ADCK5: variants seen among roughly 807,000 people sequenced by gnomAD.
ADCK5 encodes the protein aarF domain containing kinase 5.
In ADCK5, 43 loss-of-function variants were observed where a neutral mutation model predicts 64.9. That is an observed-to-expected ratio of 0.66 (90% CI 0.52 to 0.85). The LOEUF is 0.85. ADCK5 is among the 40% of genes least tolerant of loss of function. ADCK5 has a pLI of 0.00. For missense variants in ADCK5, 760 were observed against 810.5 expected (o/e 0.94, Z 0.76); for synonymous variants, 434 against 342.8 (o/e 1.27, Z -2.94).
intron 1 of ADCK5, among the ~76,000 whole-genome samples, chr8:144,374,912 T>C (rs1328794157): frequency 6.6e-6 from 1 of 152,214 alleles, no homozygotes; most frequent in African/African-American, 2.4e-5. Flanking sequence ...GCAGAGGCCT[T>C]GACACGCATC....
intron 3 of ADCK5, among the ~76,000 whole-genome samples, chr8:144,388,024 A>G (rs1272849714): frequency 6.6e-6 from 1 of 151,358 alleles, no homozygotes; most frequent in Non-Finnish European, 1.5e-5. Flanking sequence ...GAGCCACCAC[A>G]CCCGGCCTCC....
chr8:144,375,929 G>C (rs1428295702), intron 1 of ADCK5, among the ~76,000 whole-genome samples: 4 of 152,208 alleles, frequency 2.6e-5, no homozygotes, highest in African/African-American at 9.6e-5. Flanking sequence ...CAGTTTAGAG[G>C]TCGTGTTCTG....
chr8:144,374,177 TC>T, intron 1 of ADCK5, 70 bp downstream of exon 1: 2 of 1,230,590 alleles, frequency 1.6e-6, no homozygotes, highest in Non-Finnish European at 2.1e-6. Context: ...GACCCGCAAG[TC>T]CCCAGACCCC....
intron 3 of ADCK5, among the ~76,000 whole-genome samples, chr8:144,385,341 G>T (rs1312055376): frequency 6.6e-6 from 1 of 151,546 alleles, no homozygotes; most frequent in Non-Finnish European, 1.5e-5. Context: ...GTGGCACCAC[G>T]CCCGGCTAGT....
In ADCK5 at chr8:144,392,246, A is replaced by C. The variant is rs1554861094; in HGVS notation, c.1176-8A>C. The C allele has an allele frequency of 1.5e-5, 23 of 1,538,988 alleles. No individual in the cohort carries two copies. The highest frequency in any genetic ancestry group is 1.8e-5 in the Non-Finnish European group (21 of 1,146,790). ...GGAGCTCATGGCTGCGGGCCCATCC[A>C]CACCCAGGGACCGCGCAGCCCTCTG... is the stretch of plus-strand genomic sequence containing the variant. On this transcript the variant is annotated splice_region_variant and splice_polypyrimidine_tract_variant and intron_variant, in intron 11 of 14. Transcript: ENST00000308860.
chr8:144,392,853 A>G lies in ADCK5; in HGVS notation c.1598A>G (p.Lys533Arg), dbSNP rs781985622. 57 of 1,598,360 alleles carry G rather than the reference A, an allele frequency of 3.6e-5. No homozygotes were observed. The highest frequency in any genetic ancestry group is 4.6e-5 in the Non-Finnish European group (54 of 1,176,004). ...GGCACCAGCCTCCTGCGCCACGCCA[A>G]GGTCGTCTGGGAGATGCTCAAGTTT... ...VYGTSLLRHA[K>R]VVWEMLKFEV... The change falls in exon 14 of 15, where the codon AAG becomes AGG. Residue 533 changes from lysine to arginine, a missense_variant. By Grantham distance (26) the Lys-to-Arg change is conservative. This residue lies in a region of ADCK5 where 333 missense variants were observed against 292.0 expected (regional missense o/e 1.14). Coordinates refer to ENST00000308860, the MANE Select transcript of ADCK5 (RefSeq NM_174922.5).
chr8:144,373,938 CCGGCACGACT>C, upstream of ADCK5: 2 of 857,866 alleles, frequency 2.3e-6, no homozygotes, highest in Non-Finnish European at 3.1e-6. Flanking sequence ...GCCGCGGAGG[CCGGCACGACT>C]CGGGGCGTGG....
intron 2 of ADCK5, 107 bp from the exon 3 acceptor site, chr8:144,382,974 G>A: frequency 1.4e-6 from 2 of 1,447,970 alleles, no homozygotes; most frequent in Non-Finnish European, 1.9e-6. Flanking sequence ...CGTCAGAATG[G>A]CTGTGCACAC....
At position 144,392,649 on chromosome 8, in the gene ADCK5, A is replaced by G. The variant is rs1172888201; in HGVS notation, c.1472A>G (p.Asn491Ser). 1.9e-6 allele frequency: 3 copies of G among 1,594,518 alleles called. No individual in the cohort carries two copies. The highest frequency in any genetic ancestry group is 1.3e-5 in the African/African-American group (1 of 74,638). ...LRNINTVRAI[N>S]VALGAPVDRY... ...AACATCAACACCGTGCGCGCTATCA[A>G]CGTGGCCCTCGGCGCCCCCGTGGAC... The change falls in exon 13 of 15, where the codon AAC (asparagine) becomes AGC (serine). Residue 491 changes from asparagine to serine, a missense_variant. Asn to Ser is a conservative substitution (Grantham distance 46, BLOSUM62 1). This residue lies in a region of ADCK5 where 333 missense variants were observed against 292.0 expected (regional missense o/e 1.14). Coordinates refer to ENST00000308860, the MANE Select transcript of ADCK5 (RefSeq NM_174922.5).
chr8:144,379,675 C>T lies in ADCK5; in HGVS notation c.116+185C>T, dbSNP rs569763960. Reference sequence around the variant, plus strand: ...AAAGACCCCCAGGGACCCATGGGACCGTGCTCAGGGGTGGGCACACCCTGA... The same window carrying T: ...AAAGACCCCCAGGGACCCATGGGACTGTGCTCAGGGGTGGGCACACCCTGA... On this transcript the variant is annotated intron_variant, in intron 2 of 14. Coordinates refer to ENST00000308860, the MANE Select transcript of ADCK5 (RefSeq NM_174922.5). Among the ~76,000 whole-genome samples, 3 of 152,306 alleles carry T rather than the reference C, an allele frequency of 2.0e-5. No homozygotes were observed. The East Asian group carries it at 5.8e-4, about 29-fold the overall frequency.
At position 144,392,186 on chromosome 8, in the gene ADCK5, T is replaced by TGGGGGTGGGG; in HGVS notation, c.1175+19_1175+20insGGTGGGGGGG. 4.2e-6 allele frequency: 1 copy of TGGGGGTGGGG among 236,980 alleles called. No homozygotes were observed. Among genetic ancestry groups the TGGGGGTGGGG allele is most frequent in the Admixed American group, 5.8e-5 (1 of 17,366 alleles). 14.7% of individuals were successfully genotyped at this position (236,980 alleles called of 1,614,324 possible). A position where few individuals can be genotyped will look rare whatever the true frequency, so the allele number is the denominator to read the frequency against. ...TGGAGGAGAAGTGAGCGCGGGTGGG[T>TGGGGGTGGGG]GGGCGTGGGGCAGGGCAAGCCTCTC... On this transcript the variant is annotated intron_variant, in intron 11 of 14. Coordinates refer to ENST00000308860, the MANE Select transcript of ADCK5 (RefSeq NM_174922.5).
intron 1 of ADCK5, among the ~76,000 whole-genome samples, chr8:144,378,707 C>T (rs1015693593): frequency 3.9e-5 from 6 of 151,998 alleles, no homozygotes; most frequent in Non-Finnish European, 7.4e-5. Context: ...TGGTGAAACT[C>T]CGTCTCTACT....
At position 144,392,441 on chromosome 8, in the gene ADCK5, C is replaced by CCCCCCCCCCCCCA; in HGVS notation, c.1268-3_1268-2insCCCCCCCCCCCAC. 6.7e-7 allele frequency: 1 copy of CCCCCCCCCCCCCA among 1,503,490 alleles called. No homozygotes were observed. Among genetic ancestry groups the CCCCCCCCCCCCCA allele is most frequent in the Admixed American group, 2.0e-5 (1 of 48,864 alleles). 93.1% of individuals were successfully genotyped at this position (1,503,490 alleles called of 1,614,324 possible). A position where few individuals can be genotyped will look rare whatever the true frequency, so the allele number is the denominator to read the frequency against. On this transcript the variant is annotated splice_region_variant and splice_polypyrimidine_tract_variant and intron_variant, in intron 12 of 14. Coordinates refer to ENST00000308860, the MANE Select transcript of ADCK5 (RefSeq NM_174922.5). ...CCTCCCTCCCTCCCTCCCTCCCTCC[C>CCCCCCCCCCCCCA]CAGACTACCTCCTGTTCGCCGAGAT...
Position 144,392,358 on chromosome 8 carries a change from G to A in ADCK5, c.1267+13G>A, listed in dbSNP as rs377651967. 3.3e-5 allele frequency: 35 copies of A among 1,068,754 alleles called. No individual in the cohort carries two copies. Among genetic ancestry groups the A allele is most frequent in the South Asian group, 6.3e-5 (4 of 63,638 alleles). The allele number at this position is 1,068,754 out of a possible 1,614,324, so 66.2% of individuals were successfully genotyped here. A position where few individuals can be genotyped will look rare whatever the true frequency, so the allele number is the denominator to read the frequency against. ...CTGGGGGTGCAAGGTGAGGGCGTGC[G>A]GGGATGGCTGGGGCACCACAGAAGG... is the stretch of plus-strand genomic sequence containing the variant. On this transcript the variant is annotated intron_variant, in intron 12 of 14. Transcript: ENST00000308860.
At position 144,393,007 on chromosome 8, in the gene ADCK5, C is replaced by T; in HGVS notation, c.1676C>T (p.Ala559Val). The T allele has an allele frequency of 3.1e-6, 5 of 1,590,426 alleles. No individual in the cohort carries two copies. The South Asian group carries it at 4.5e-5, about 14-fold the overall frequency. Residue 559 changes from alanine to valine, a missense_variant, in exon 15 of 15, where the codon GCT (alanine) becomes GTT (valine). Physicochemically the swap from Ala to Val is moderately conservative, Grantham distance 64. Coordinates refer to ENST00000308860, the MANE Select transcript of ADCK5 (RefSeq NM_174922.5). ...TLAMRLTALL[A>V]RALVHLSLVP... is the part of the protein sequence containing the mutation. ...GCCATGCGGCTGACCGCCCTCCTGG[C>T]TCGTGCTCTGGTCCACCTGAGCCTC...
intron 14 of ADCK5, 25 bp from the exon 15 acceptor site, chr8:144,392,937 CCCACCTG>C (rs782326695): frequency 1.3e-6 from 2 of 1,578,538 alleles, no homozygotes; most frequent in Admixed American, 3.6e-5. Context: ...CTGCTCCCCA[CCCACCTG>C]TGACCTGTGA....
Position 144,392,148 on chromosome 8 carries a change from C to T in ADCK5, c.1153C>T (p.Leu385Phe), listed in dbSNP as rs1554860973. 2 of 1,597,514 alleles carry T rather than the reference C, an allele frequency of 1.3e-6. No homozygotes were observed. The highest frequency in any genetic ancestry group is 1.7e-5 in the Admixed American group (1 of 58,546). The change falls in exon 11 of 15, where the codon CTC becomes TTC. Residue 385 changes from leucine to phenylalanine, a missense_variant. By Grantham distance (22) the Leu-to-Phe change is conservative. Around this residue, in one of 2 missense-constraint regions of ADCK5, gnomAD observed 333 missense variants for 292.0 expected, o/e 1.14. Coordinates refer to ENST00000308860, the MANE Select transcript of ADCK5 (RefSeq NM_174922.5). ...GGAGCTGGTGCTGCTGGACCACGGGCTCTACCAGTTCCTGGAGGAGAAGTG... is the reference window on the plus strand; with the variant it reads ...GGAGCTGGTGCTGCTGGACCACGGGTTCTACCAGTTCCTGGAGGAGAAGTG... ...KAELVLLDHG[L>F]YQFLEEKDRA... is the part of the protein sequence containing the mutation.
chr8:144,387,568 AT>A (rs1232858631), intron 3 of ADCK5, among the ~76,000 whole-genome samples: 3 of 150,854 alleles, frequency 2.0e-5, no homozygotes, highest in East Asian at 2.0e-4. Context: ...CACCCAGCTA[AT>A]TTTTTTTTAA....
intron 3 of ADCK5, among the ~76,000 whole-genome samples, chr8:144,387,065 T>C (rs1390541371): frequency 6.6e-6 from 1 of 152,224 alleles, no homozygotes; most frequent in Non-Finnish European, 1.5e-5. Flanking sequence ...TAAAGCTTTA[T>C]TGGAACACAG....
Sources: gnomAD v4.1 joint callset for allele counts (sites outside exome capture counted in the v4.1 genomes callset) on GRCh38, gnomAD v4.1.1 for gene constraint, gnomAD v4.1.1 regional missense constraint, MANE v1.5 for transcripts, NCBI Gene and HGNC (gene_info 2026-07-23, HGNC 2026-07-21) for gene names.